GLMN: variants seen among roughly 807,000 people sequenced by gnomAD.
The protein encoded by GLMN is glomulin, FKBP associated protein, also known as glomulin.
Under a neutral mutation model 87.8 loss-of-function variants are expected in GLMN, and 75 were observed. The observed-to-expected ratio is 0.85, with a 90% CI of 0.71 to 1.04. The LOEUF (loss-of-function observed/expected upper bound fraction) is 1.04. Ranked by LOEUF, GLMN falls within the 50% of genes least tolerant of loss-of-function variation. The pLI, the probability that GLMN is intolerant of heterozygous loss-of-function variation, is 0.00. For synonymous variants in GLMN, 206 were observed against 221.6 expected, an observed-to-expected ratio of 0.93 and a Z score of 0.63; for missense variants, 588 against 658.8, an observed-to-expected ratio of 0.89 and a Z score of 1.18.
the GLMN span, among the ~76,000 whole-genome samples, chr1:92,317,335 C>T: frequency 8.5e-5 from 13 of 152,120 alleles, no homozygotes; most frequent in African/African-American, 2.9e-4. Flanking sequence ...GGTGAAACCC[C>T]ATCTCTACTA....
At chr1:92,298,788 C>T in intron 1 of GLMN, 137 bp downstream of exon 1, 1 of 337,892 alleles carries the variant, frequency 3.0e-6, no homozygotes, top group Non-Finnish European at 5.3e-6. Flanking sequence ...GAAGCCATGT[C>T]TTCCGATTCC....
chr1:92,320,723 TC>T, the GLMN span: 1 of 990,996 alleles, frequency 1.0e-6, no homozygotes, highest in Non-Finnish European at 1.6e-6. Context: ...CTCTTGGACT[TC>T]CTGTGCTGAT....
At chr1:92,348,577 C>T in the GLMN span, among the ~76,000 whole-genome samples, 1 of 152,074 alleles carries the variant, frequency 6.6e-6, no homozygotes, top group Admixed American at 6.5e-5. Flanking sequence ...TGTCTCCTGC[C>T]CCATATTATT....
chr1:92,309,287 C>A, the GLMN span, among the ~76,000 whole-genome samples: 1 of 151,906 alleles, frequency 6.6e-6, no homozygotes, highest in African/African-American at 2.4e-5. Flanking sequence ...ACTAAAAATA[C>A]AAAAATTAGC....
In GLMN at chr1:92,267,934, C is replaced by G. The variant is rs1460866740; in HGVS notation, c.1077G>C (p.Lys359Asn). ...TTACCTGAGGTACAGTAAGAAAACT[C>G]TTGATTTCTAAGTACTGGTAAAGTA... ...NSLLYQYLEI[K>N]SFLTVPQGLV... is the part of the protein sequence containing the mutation. The change falls in exon 11 of 19, where the codon AAG becomes AAC. Residue 359 changes from lysine to asparagine, a missense_variant. Lys to Asn is a moderately conservative substitution (Grantham distance 94). Transcript: ENST00000370360. The G allele has an allele frequency of 6.7e-7, 1 of 1,499,512 alleles. No homozygotes were observed. The highest frequency in any genetic ancestry group is 9.3e-7 in the Non-Finnish European group (1 of 1,075,658). 92.9% of individuals were successfully genotyped at this position (1,499,512 alleles called of 1,614,324 possible).
chr1:92,259,251 TAA>T (rs1170939082), intron 16 of GLMN, among the ~76,000 whole-genome samples: 5 of 152,200 alleles, frequency 3.3e-5, no homozygotes, highest in Non-Finnish European at 5.9e-5. Flanking sequence ...AATAATTATT[TAA>T]AGATACTCTA....
At chr1:92,370,654 C>T in the GLMN span, among the ~76,000 whole-genome samples, 2 of 151,348 alleles carry the variant, frequency 1.3e-5, no homozygotes, top group African/African-American at 4.9e-5. Flanking sequence ...GAAAAGAGAC[C>T]AAATCACTAT....
the GLMN span, among the ~76,000 whole-genome samples, chr1:92,354,890 A>AATT: frequency 0.051 from 7,503 of 147,658 alleles, 407 homozygotes; most frequent in African/African-American, 0.13. Context: ...AATTTATGTA[A>AATT]ATTATTATTA....
At chr1:92,305,432 C>CAAAAAAAAAAAAAAAAAAAAAAAAAAAAA in the GLMN span, among the ~76,000 whole-genome samples, 109 of 52,656 alleles carry the variant, frequency 2.1e-3, 3 homozygotes, top group East Asian at 5.5e-3. Flanking sequence ...GGCTCCGTCT[C>CAAAAAAAAAAAAAAAAAAAAAAAAAAAAA]AAAAAAAAAA....
chr1:92,327,497 A>G, the GLMN span, among the ~76,000 whole-genome samples: 63 of 152,218 alleles, frequency 4.1e-4, no homozygotes, highest in African/African-American at 1.4e-3. Flanking sequence ...TTTGGTGTCC[A>G]TTTGCATGGA....
intron 16 of GLMN, among the ~76,000 whole-genome samples, chr1:92,257,851 G>A (rs1269658745): frequency 6.6e-6 from 1 of 152,016 alleles, no homozygotes; most frequent in African/African-American, 2.4e-5. Flanking sequence ...ACATAGACAT[G>A]GGCAAAGACT....
intron 7 of GLMN, among the ~76,000 whole-genome samples, chr1:92,273,700 C>A (rs923243488): frequency 3.9e-5 from 6 of 151,984 alleles, no homozygotes; most frequent in African/African-American, 1.5e-4. Flanking sequence ...AAGTGATCTG[C>A]CCACCTTGGC....
chr1:92,370,609 T>C, the GLMN span, among the ~76,000 whole-genome samples: 1 of 151,950 alleles, frequency 6.6e-6, no homozygotes. Flanking sequence ...TCTCCATCCT[T>C]CAAAATCATG....
chr1:92,317,401 A>G, the GLMN span, among the ~76,000 whole-genome samples: 1 of 151,790 alleles, frequency 6.6e-6, no homozygotes, highest in African/African-American at 2.4e-5. Context: ...CCAGCTACTC[A>G]GGAGGCTGAG....
chr1:92,253,535 G>A (rs1653812699), intron 16 of GLMN, among the ~76,000 whole-genome samples: 1 of 152,150 alleles, frequency 6.6e-6, no homozygotes, highest in South Asian at 2.1e-4. Flanking sequence ...CTGGCATCTG[G>A]CGGGTGCCCC....
At chr1:92,342,537 C>G in the GLMN span, among the ~76,000 whole-genome samples, 8 of 152,102 alleles carry the variant, frequency 5.3e-5, no homozygotes, top group East Asian at 1.5e-3. Flanking sequence ...ATGACATGAT[C>G]TAACATACAT....
chr1:92,305,326 G>C, the GLMN span, among the ~76,000 whole-genome samples: 1 of 149,978 alleles, frequency 6.7e-6, no homozygotes, highest in Non-Finnish European at 1.5e-5. Context: ...CCAGCTACTC[G>C]GGAGGCTGAG....
At chr1:92,300,142 C>T (rs138131683), upstream of GLMN, 272 of 1,266,404 alleles carry the variant, frequency 2.1e-4, 1 homozygote, top group African/African-American at 3.5e-3. Context: ...GTATGCTGTC[C>T]GTCGTTTACG....
At chr1:92,364,352 A>G in the GLMN span, among the ~76,000 whole-genome samples, 3 of 152,190 alleles carry the variant, frequency 2.0e-5, no homozygotes, top group African/African-American at 7.2e-5. Flanking sequence ...TAATGAGATA[A>G]TAGTTCAAAA....
Sources: gnomAD v4.1 joint callset for allele counts (sites outside exome capture counted in the v4.1 genomes callset) on GRCh38, gnomAD v4.1.1 for gene constraint, MANE v1.5 for transcripts, NCBI Gene and HGNC (gene_info 2026-07-23, HGNC 2026-07-21) for gene names.